Variants in HEATR5B observed in about 807,000 individuals in gnomAD.
The protein encoded by HEATR5B is HEAT repeat containing 5B.
HEATR5B carries 156 observed loss-of-function variants against 224.1 expected under a neutral mutation model. That is an observed-to-expected ratio of 0.70 (90% CI 0.61 to 0.80). The LOEUF (loss-of-function observed/expected upper bound fraction) is 0.80, where lower values mean the gene tolerates loss of function less well. Among genes scored for constraint, HEATR5B ranks in the 30% least tolerant of loss-of-function variants. The pLI is 0.00. For missense variants in HEATR5B, 2,323 were observed against 2,535.5 expected (o/e 0.92, Z 1.80); for synonymous variants, 1,027 against 893.0 (o/e 1.15, Z -2.68).
intron 33 of HEATR5B, among the ~76,000 whole-genome samples, chr2:36,997,772 T>C (rs1217754020): frequency 1.3e-5 from 2 of 151,916 alleles, no homozygotes; most frequent in Admixed American, 1.3e-4. Context: ...TTCCCTGTGT[T>C]AGCTAGGATG....
rs763591296 is a variant in HEATR5B, at chr2:37,003,652, C to T, written c.4940G>A (p.Arg1647His). Residue 1647 changes from arginine to histidine, a missense_variant, in exon 31 of 36, where the codon CGC becomes CAC. Physicochemically the swap from Arg to His is conservative, Grantham distance 29. Transcript: ENST00000233099. ...IGVELLSVLH[R>H]LLLTWNPSSV... ...TGATGGATTCCAGGTCAATAGAAGG[C>T]GGTGCAAAACACTCAGCAACTCAAC... The T allele has an allele frequency of 5.6e-6, 9 of 1,610,708 alleles. No homozygotes were observed. The highest frequency in any genetic ancestry group is 6.8e-6 in the Non-Finnish European group (8 of 1,178,158).
intron 21 of HEATR5B, among the ~76,000 whole-genome samples, chr2:37,034,960 G>A (rs1164790435): frequency 1.3e-5 from 2 of 152,184 alleles, no homozygotes; most frequent in Non-Finnish European, 2.9e-5. Context: ...CATATCACAT[G>A]GGAAGAACAA....
At chr2:37,042,402 G>T (rs1051532476) in intron 18 of HEATR5B, among the ~76,000 whole-genome samples, 2 of 152,084 alleles carry the variant, frequency 1.3e-5, no homozygotes, top group Admixed American at 6.6e-5. Context: ...GCACCAAGAA[G>T]GATAAGAACA....
chr2:37,075,940 AATAT>A (rs1672202490), intron 4 of HEATR5B: 1 of 168,594 alleles, frequency 5.9e-6, no homozygotes, highest in African/African-American at 2.4e-5. Flanking sequence ...ATCATATCTC[AATAT>A]ATAAAATATT....
intron 33 of HEATR5B, among the ~76,000 whole-genome samples, chr2:36,999,195 G>C (rs1666924298): frequency 6.6e-6 from 1 of 151,922 alleles, no homozygotes; most frequent in African/African-American, 2.4e-5. Context: ...CTCCAGCCTT[G>C]GCAACAGAGC....
In HEATR5B at chr2:37,028,829, T is replaced by C; in HGVS notation, c.3453A>G (p.Gly1151=). Residue 1151 remains glycine (G), a synonymous_variant, in exon 23 of 36, where the codon GGA becomes GGG. Transcript: ENST00000233099. ...CCCGGTCTAGCATTCCAAAAAGAAG[T>C]CCCTCAAGACCAGTTTCTGTTATAT... ...GVNITETGLE[G]LLFGMLDRET... The C allele has an allele frequency of 6.2e-7, 1 of 1,614,048 alleles. No individual in the cohort carries two copies. Among genetic ancestry groups the C allele is most frequent in the Non-Finnish European group, 8.5e-7 (1 of 1,179,984 alleles).
rs1009229194 is a variant in HEATR5B, at chr2:37,081,939, C to G, written c.126+1350G>C. Among the ~76,000 whole-genome samples, 3 of 151,648 alleles carry G rather than the reference C, an allele frequency of 2.0e-5. No individual in the cohort carries two copies. The East Asian group carries it at 5.8e-4, about 29-fold the overall frequency. Reference sequence around the variant, plus strand: ...ATACTAAGGTCAGGGACCAAACTAGCCTACAGTGAAGTCCAGTTTAAAAGA... The same window carrying G: ...ATACTAAGGTCAGGGACCAAACTAGGCTACAGTGAAGTCCAGTTTAAAAGA... On this transcript the variant is annotated intron_variant, in intron 2 of 35. Transcript: ENST00000233099.
intron 21 of HEATR5B, among the ~76,000 whole-genome samples, chr2:37,036,767 CT>C (rs1669507355): frequency 6.6e-6 from 1 of 152,028 alleles, no homozygotes; most frequent in Admixed American, 6.5e-5. Context: ...CCGCCTTGGC[CT>C]CTCAAAGTGC....
chr2:37,041,544 G>A (rs986966991), intron 18 of HEATR5B, among the ~76,000 whole-genome samples: 15 of 152,042 alleles, frequency 9.9e-5, no homozygotes, highest in African/African-American at 3.4e-4. Flanking sequence ...CCAGGAGTTC[G>A]AGACCAGTCT....
rs911460256 is a variant in HEATR5B at position 37,068,930 on chromosome 2, C to G, written c.928G>C (p.Ala310Pro). Reference protein sequence around the residue: ...NREVRVGVTQAYVVFVTTLGG... With the variant: ...NREVRVGVTQPYVVFVTTLGG... The stretch of plus-strand genomic sequence containing the variant: ...AATGTTGTCACAAAAACAACATACG[C>G]CTGTAAAAAGAGGAAGGTACGACTT... Residue 310 changes from alanine to proline, a missense_variant and splice_region_variant, in exon 8 of 36, where the codon GCG becomes CCG. Ala to Pro is a conservative substitution (Grantham distance 27). Around this residue, in one of 12 missense-constraint regions of HEATR5B, gnomAD observed 502 missense variants for 517.8 expected, o/e 0.97. Transcript: ENST00000233099. 3 of 1,608,502 alleles carry G rather than the reference C, an allele frequency of 1.9e-6. No individual in the cohort carries two copies. In the African/African-American group the frequency reaches 4.0e-5, roughly 22 times the overall value.
At chr2:37,030,618 G>C (rs1221253465) in intron 22 of HEATR5B, among the ~76,000 whole-genome samples, 1 of 152,136 alleles carries the variant, frequency 6.6e-6, no homozygotes, top group Non-Finnish European at 1.5e-5. Context: ...TCTATCTGTA[G>C]TACAAGAAAT....
rs550803425 is a variant in HEATR5B, at chr2:37,028,348, A to G, written c.3602-174T>C. On this transcript the variant is annotated intron_variant, in intron 23 of 35. Coordinates refer to ENST00000233099, the MANE Select transcript of HEATR5B (RefSeq NM_019024.3). ...ACAATCAAAAGCCAAGGAAAAGATAACATAAATTACTTTTATGTAAACTAC... is the reference window on the plus strand; with the variant it reads ...ACAATCAAAAGCCAAGGAAAAGATAGCATAAATTACTTTTATGTAAACTAC... Among the ~76,000 whole-genome samples the G allele has an allele frequency of 3.3e-5, 5 of 152,302 alleles. No individual in the cohort carries two copies. The East Asian group carries it at 7.7e-4, about 23-fold the overall frequency.
chr2:37,028,550 G>C, intron 23 of HEATR5B, 131 bp downstream of exon 23: 1 of 649,072 alleles, frequency 1.5e-6, no homozygotes, highest in Non-Finnish European at 2.4e-6. Context: ...ACAGAGATTT[G>C]TAGATCAAAA....
rs1362085472 is a variant in HEATR5B, at chr2:37,003,677, C to T, written c.4915G>A (p.Val1639Ile). The T allele has an allele frequency of 3.1e-6, 5 of 1,600,956 alleles. No homozygotes were observed. In the South Asian group the frequency reaches 5.6e-5, roughly 18 times the overall value. ...CGGTGCAAAACACTCAGCAACTCAA[C>T]ACCTATCAGCTAATACAAATAAATA... ...VHIAEDQLIG[V>I]ELLSVLHRLL... Residue 1639 changes from valine to isoleucine, a missense_variant, in exon 31 of 36, where the codon GTT (valine) becomes ATT (isoleucine). Physicochemically the swap from Val to Ile is conservative, Grantham distance 29. This residue lies in a region of HEATR5B where 844 missense variants were observed against 812.9 expected (regional missense o/e 1.04). Coordinates refer to ENST00000233099, the MANE Select transcript of HEATR5B (RefSeq NM_019024.3).
At chr2:37,032,027 C>T (rs1669165351) in intron 22 of HEATR5B, among the ~76,000 whole-genome samples, 1 of 152,098 alleles carries the variant, frequency 6.6e-6, no homozygotes, top group African/African-American at 2.4e-5. Flanking sequence ...CCTTTTGCTA[C>T]CAAACATCTA....
chr2:37,076,073 T>C (rs993908500), intron 4 of HEATR5B: 1 of 153,314 alleles, frequency 6.5e-6, no homozygotes, highest in Non-Finnish European at 1.5e-5. Flanking sequence ...CAAACCTTCA[T>C]CTTCTTGTGA....
At position 36,986,949 on chromosome 2, in the gene HEATR5B, C is replaced by T. The variant is rs965483854; in HGVS notation, c.5911+1697G>A. On this transcript the variant is annotated intron_variant, in intron 35 of 35. Coordinates refer to ENST00000233099, the MANE Select transcript of HEATR5B (RefSeq NM_019024.3). ...TGTATTTTTAGTAGAGATGGGGTTCCACCACGTTTGCCAGGCTAGTCTTAA... is the reference window on the plus strand; with the variant it reads ...TGTATTTTTAGTAGAGATGGGGTTCTACCACGTTTGCCAGGCTAGTCTTAA... 3.3e-5 allele frequency among the ~76,000 whole-genome samples: 5 copies of T among 152,016 alleles called. No individual in the cohort carries two copies. In the East Asian group the frequency reaches 9.7e-4, roughly 29 times the overall value.
chr2:37,036,865 C>T (rs1012378996), intron 21 of HEATR5B, among the ~76,000 whole-genome samples: 1 of 151,846 alleles, frequency 6.6e-6, no homozygotes, highest in East Asian at 1.9e-4. Flanking sequence ...TTATGATAGG[C>T]CTCCTGCTAA....
Position 37,000,555 on chromosome 2 carries a change from C to G in HEATR5B, c.5545+31G>C, listed in dbSNP as rs767965522. On this transcript the variant is annotated intron_variant, in intron 33 of 35. Transcript: ENST00000233099. ...ATTACTTAGGGAACACATATCCTAA[C>G]TAACTAAAACGTTTAAAACTGATAG... 20 of 1,556,802 alleles carry G rather than the reference C, an allele frequency of 1.3e-5. No homozygotes were observed. The East Asian group carries it at 4.3e-4, about 33-fold the overall frequency.
Sources: gnomAD v4.1 joint callset for allele counts (sites outside exome capture counted in the v4.1 genomes callset) on GRCh38, gnomAD v4.1.1 for gene constraint, gnomAD v4.1.1 regional missense constraint, MANE v1.5 for transcripts, NCBI Gene and HGNC (gene_info 2026-07-23, HGNC 2026-07-21) for gene names.